KANK1: variants seen among roughly 807,000 people sequenced by gnomAD.
KANK1 encodes KN motif and ankyrin repeat domain-containing protein 1.
Under a neutral mutation model 106.2 loss-of-function variants are expected in KANK1, and 109 were observed. The ratio of observed to expected loss-of-function variants is 1.03; its 90% CI spans 0.88 to 1.20. KANK1 has a LOEUF of 1.20. Among genes scored for constraint, KANK1 ranks in the 50% most tolerant of loss-of-function variants. The probability of loss-of-function intolerance (pLI) is 0.00; values close to 1 mark genes in which losing one functional copy is unlikely to be tolerated. For missense variants in KANK1, 2,399 were observed against 1,710.7 expected (o/e 1.40, Z -7.10); for synonymous variants, 873 against 652.2 (o/e 1.34, Z -5.16).
chr9:742,226 C>G lies in KANK1; in HGVS notation c.3718C>G (p.Leu1240Val). 1 of 1,614,152 alleles carries G rather than the reference C, an allele frequency of 6.2e-7. No individual in the cohort carries two copies. The highest frequency in any genetic ancestry group is 1.1e-5 in the South Asian group (1 of 91,080). ...ASQAGQTALM[L>V]AVSHGRIDMV... ...ATAGGCGGGACAGACGGCCCTCATG[C>G]TGGCGGTCAGTCACGGACGGATAGA... Residue 1240 changes from leucine (L) to valine (V), a missense_variant, in exon 10 of 12, where the codon CTG becomes GTG. Leu to Val is a conservative substitution (Grantham distance 32, BLOSUM62 1). Transcript: ENST00000382297.
At chr9:669,205 A>G (rs1017024451) in intron 1 of KANK1, among the ~76,000 whole-genome samples, 1 of 152,166 alleles carries the variant, frequency 6.6e-6, no homozygotes, top group African/African-American at 2.4e-5. Flanking sequence ...TTTGTCTTCT[A>G]GGTGTCATAC....
At chr9:670,865 A>C (rs533547105) in intron 1 of KANK1, among the ~76,000 whole-genome samples, 157 of 150,528 alleles carry the variant, frequency 1.0e-3, no homozygotes, top group Non-Finnish European at 1.7e-3. Flanking sequence ...GAGTTGGGGG[A>C]AGTTTTACAT....
At chr9:727,750 TCA>T (rs1350043591) in intron 3 of KANK1, among the ~76,000 whole-genome samples, 2 of 151,206 alleles carry the variant, frequency 1.3e-5, no homozygotes, top group Admixed American at 1.3e-4. Flanking sequence ...TTTAATAGGA[TCA>T]CACAATACAT....
intron 1 of KANK1, among the ~76,000 whole-genome samples, chr9:573,143 A>T (rs1435421380): frequency 2.6e-5 from 4 of 152,344 alleles, no homozygotes; most frequent in African/African-American, 9.6e-5. Flanking sequence ...AGTTGATGTC[A>T]TTACCAAAGG....
In KANK1 at chr9:598,620, C is replaced by CTTTTTTT. The variant is rs3028166; in HGVS notation, c.-83-78246_-83-78240dup. Among the ~76,000 whole-genome samples the CTTTTTTT allele has an allele frequency of 5.8e-4, 27 of 46,680 alleles. 1 individual carries two copies. Among genetic ancestry groups the CTTTTTTT allele is most frequent in the Non-Finnish European group, 6.5e-4 (15 of 23,144 alleles). The allele number at this position is 46,680 out of a possible 152,430, so 30.6% of individuals were successfully genotyped here. On this transcript the variant is annotated intron_variant, in intron 1 of 11. Transcript: ENST00000382297. ...TTTTTTGTTTTGTTTTGTTGGTTTT[C>CTTTTTTT]TTTTTTTTTTTTTTTTTTTTTTTTT...
intron 11 of KANK1, chr9:744,877 A>G: frequency 7.1e-7 from 1 of 1,411,756 alleles, no homozygotes; most frequent in Non-Finnish European, 9.2e-7. Flanking sequence ...CCCTGAGCCC[A>G]TGGGGATATT....
At chr9:609,400 G>A (rs1830067503) in intron 1 of KANK1, among the ~76,000 whole-genome samples, 1 of 152,136 alleles carries the variant, frequency 6.6e-6, no homozygotes, top group African/African-American at 2.4e-5. Flanking sequence ...GGCCGAGGAG[G>A]GCGGATCACC....
chr9:714,395 T>G (rs1304118119), intron 3 of KANK1, among the ~76,000 whole-genome samples: 1 of 148,466 alleles, frequency 6.7e-6, no homozygotes, highest in Admixed American at 6.8e-5. Flanking sequence ...AGAGTCGCTC[T>G]GTCACCCAGG....
At chr9:482,410 A>G (rs896725273) in intron 3 of KANK1, among the ~76,000 whole-genome samples, 2 of 152,308 alleles carry the variant, frequency 1.3e-5, no homozygotes, top group East Asian at 3.9e-4. Context: ...GCTAGCAGCA[A>G]TTGATGGCTT....
At chr9:706,402 TTG>T (rs1435003808) in intron 2 of KANK1, among the ~76,000 whole-genome samples, 9 of 152,188 alleles carry the variant, frequency 5.9e-5, no homozygotes, top group Non-Finnish European at 1.3e-4. Flanking sequence ...ATAAGTTTTG[TTG>T]TGTTTTAAAT....
intron 1 of KANK1, among the ~76,000 whole-genome samples, chr9:546,706 C>G (rs1369162066): frequency 2.0e-5 from 3 of 150,896 alleles, no homozygotes; most frequent in African/African-American, 7.3e-5. Flanking sequence ...GCAAGGCAAT[C>G]TTGTGTCCTT....
At chr9:542,641 G>A (rs1470642870) in intron 1 of KANK1, among the ~76,000 whole-genome samples, 1 of 152,158 alleles carries the variant, frequency 6.6e-6, no homozygotes, top group African/African-American at 2.4e-5. Flanking sequence ...GTCAAGTTAT[G>A]GAGACAGTGG....
rs779438413 is a variant in KANK1 at position 745,412 on chromosome 9, C to T, written c.*177C>T. 102 of 696,324 alleles carry T rather than the reference C, an allele frequency of 1.5e-4. 1 individual carries two copies. The highest frequency in any genetic ancestry group is 2.1e-4 in the Non-Finnish European group (89 of 416,284). The allele number at this position is 696,324 out of a possible 1,614,324, so 43.1% of individuals were successfully genotyped here. On this transcript the variant is annotated 3_prime_UTR_variant, in exon 12 of 12. Coordinates refer to ENST00000382297, the MANE Select transcript of KANK1 (RefSeq NM_015158.5). ...TGCAGAGACTGCTAGCCTGGGCACA[C>T]ACACCTCCTTTCTGGCCGTCTTCTG...
At chr9:610,406 T>C (rs1380341044) in intron 1 of KANK1, among the ~76,000 whole-genome samples, 1 of 152,148 alleles carries the variant, frequency 6.6e-6, no homozygotes, top group Non-Finnish European at 1.5e-5. Context: ...AATTGAGTGA[T>C]ATGGAAGTGA....
At chr9:542,115 T>C (rs143120109) in intron 1 of KANK1, among the ~76,000 whole-genome samples, 3 of 150,992 alleles carry the variant, frequency 2.0e-5, no homozygotes, top group African/African-American at 7.3e-5. Flanking sequence ...CAGAGGACCT[T>C]AATAGAAATT....
At chr9:686,224 A>G (rs1031527094) in intron 2 of KANK1, among the ~76,000 whole-genome samples, 4 of 152,172 alleles carry the variant, frequency 2.6e-5, no homozygotes, top group African/African-American at 7.2e-5. Context: ...AACACGGTGC[A>G]GCCGATTTAT....
chr9:541,535 A>G (rs924072704), intron 1 of KANK1, among the ~76,000 whole-genome samples: 9 of 152,242 alleles, frequency 5.9e-5, no homozygotes, highest in Non-Finnish European at 7.3e-5. Context: ...ACACACAGAG[A>G]AAAAGCTTCT....
chr9:654,735 C>A (rs1191722008), intron 1 of KANK1, among the ~76,000 whole-genome samples: 1 of 151,866 alleles, frequency 6.6e-6, no homozygotes, highest in Non-Finnish European at 1.5e-5. Flanking sequence ...AGAATACCTG[C>A]TTTCTGAGAA....
intron 1 of KANK1, among the ~76,000 whole-genome samples, chr9:591,585 C>A (rs898562108): frequency 6.6e-6 from 1 of 151,850 alleles, no homozygotes; most frequent in Non-Finnish European, 1.5e-5. Context: ...CCCTGAAATT[C>A]TGCAGGTGCA....
Sources: gnomAD v4.1 joint callset for allele counts (sites outside exome capture counted in the v4.1 genomes callset) on GRCh38, gnomAD v4.1.1 for gene constraint, MANE v1.5 for transcripts, NCBI Gene and HGNC (gene_info 2026-07-23, HGNC 2026-07-21) for gene names.